NME8: variants seen among roughly 807,000 people sequenced by gnomAD.
NME8 encodes the protein NME/NM23 family member 8.
A neutral mutation model predicts 82.3 loss-of-function variants in NME8; 72 were observed. That is an observed-to-expected ratio of 0.87 (90% CI 0.72 to 1.06). NME8 has a LOEUF of 1.06. NME8 is among the 50% of genes least tolerant of loss of function. NME8 has a pLI of 0.00. For synonymous variants in NME8, 267 were observed against 228.5 expected (o/e 1.17, Z -1.52); for missense variants, 712 against 685.4 (o/e 1.04, Z -0.43).
chr7:37,897,945 T>C (rs1785255686), intron 17 of NME8, among the ~76,000 whole-genome samples: 1 of 152,140 alleles, frequency 6.6e-6, no homozygotes, highest in South Asian at 2.1e-4. Context: ...ATTGTAAATA[T>C]TGCTGCAATA....
intron 12 of NME8, among the ~76,000 whole-genome samples, chr7:37,878,500 G>A (rs1004965903): frequency 8.5e-5 from 13 of 152,114 alleles, no homozygotes; most frequent in African/African-American, 2.9e-4. Context: ...TTTTATGGAC[G>A]AGATAGTGTA....
intron 9 of NME8, 25 bp from the exon 10 acceptor site, chr7:37,865,500 A>G: frequency 2.0e-6 from 3 of 1,524,542 alleles, no homozygotes; most frequent in Non-Finnish European, 2.7e-6. Flanking sequence ...CGACACCTGG[A>G]TTTGACCTTA....
At position 37,857,138 on chromosome 7, in the gene NME8, C is replaced by T. The variant is rs1438250054; in HGVS notation, c.199-136C>T. On this transcript the variant is annotated intron_variant, in intron 5 of 17. Coordinates refer to ENST00000199447, the MANE Select transcript of NME8 (RefSeq NM_016616.5). ...ATCGCCAGTATGTGCAGTTTGATCCCTAAAACCACTAAGGCATACCGAATG... is the reference window on the plus strand; with the variant it reads ...ATCGCCAGTATGTGCAGTTTGATCCTTAAAACCACTAAGGCATACCGAATG... The T allele has an allele frequency of 1.2e-5, 8 of 687,752 alleles. No homozygotes were observed. The African/African-American group carries it at 1.4e-4, about 12-fold the overall frequency. The allele number at this position is 687,752 out of a possible 1,614,324, so 42.6% of individuals were successfully genotyped here. A position where few individuals can be genotyped will look rare whatever the true frequency, so the allele number is the denominator to read the frequency against.
Position 37,850,619 on chromosome 7 carries a change from C to T in NME8, c.92-10C>T. ...GACTTTGTTATTTCATAAATATCAT[C>T]ATCTTCTAGTGATTGATGTTTACCA... On this transcript the variant is annotated splice_polypyrimidine_tract_variant and intron_variant, in intron 4 of 17. Transcript: ENST00000199447. 1.3e-6 allele frequency: 2 copies of T among 1,580,658 alleles called. No individual in the cohort carries two copies. The highest frequency in any genetic ancestry group is 1.7e-6 in the Non-Finnish European group (2 of 1,149,530).
intron 6 of NME8, among the ~76,000 whole-genome samples, chr7:37,861,682 A>G (rs1171426317): frequency 6.6e-6 from 1 of 152,158 alleles, no homozygotes; most frequent in Non-Finnish European, 1.5e-5. Flanking sequence ...GTCAAAAATA[A>G]CTAGGGAGGA....
chr7:37,864,691 T>C (rs1050120612), intron 9 of NME8, among the ~76,000 whole-genome samples: 20 of 152,180 alleles, frequency 1.3e-4, no homozygotes, highest in Non-Finnish European at 2.5e-4. Flanking sequence ...TCTGTCTTCA[T>C]GCTGCTGATA....
chr7:37,868,897 T>G (rs1784729750), intron 11 of NME8, among the ~76,000 whole-genome samples: 1 of 152,224 alleles, frequency 6.6e-6, no homozygotes, highest in Non-Finnish European at 1.5e-5. Flanking sequence ...AATGTTGGTT[T>G]TATGCGCTGC....
chr7:37,871,317 G>C (rs1784764881), intron 11 of NME8, among the ~76,000 whole-genome samples: 1 of 152,140 alleles, frequency 6.6e-6, no homozygotes, highest in Admixed American at 6.5e-5. Context: ...AGGGAAACAG[G>C]GCAGAGGTAC....
intron 12 of NME8, 43 bp from the exon 13 acceptor site, chr7:37,884,260 A>T (rs1357238773): frequency 1.5e-6 from 2 of 1,296,442 alleles, no homozygotes. Context: ...CATAACCAGT[A>T]ATCTACCAGT....
At chr7:37,894,020 G>C (rs1221017462) in intron 15 of NME8, among the ~76,000 whole-genome samples, 1 of 152,138 alleles carries the variant, frequency 6.6e-6, no homozygotes. Flanking sequence ...TCAAAACTTA[G>C]GCTGTTGGTG....
chr7:37,888,319 G>A lies in NME8; in HGVS notation c.1290G>A (p.Gln430=), dbSNP rs753245188. The change falls in exon 15 of 18, where the codon CAG becomes CAA. Residue 430 remains glutamine (Q), a synonymous_variant. Transcript: ENST00000199447. ...CGATGGACAGTTTGCCGGTCAACCA[G>A]TTGTATGGCAGCGATTCATTAGAAA... is the stretch of plus-strand genomic sequence containing the variant. The part of the protein sequence containing the change: ...QFAMDSLPVN[Q]LYGSDSLETA... The A allele has an allele frequency of 8.7e-6, 14 of 1,613,620 alleles. No homozygotes were observed. In the South Asian group the frequency reaches 1.4e-4, roughly 16 times the overall value.
intron 6 of NME8, among the ~76,000 whole-genome samples, chr7:37,859,931 C>G (rs985959214): frequency 2.0e-5 from 3 of 152,214 alleles, no homozygotes; most frequent in Admixed American, 6.5e-5. Flanking sequence ...CACAAAAACA[C>G]CATCAAGTCC....
chr7:37,872,799 A>T (rs935699116), intron 11 of NME8, among the ~76,000 whole-genome samples: 1 of 152,040 alleles, frequency 6.6e-6, no homozygotes, highest in African/African-American at 2.4e-5. Context: ...TAATGGGGGA[A>T]TTTTTTTCCC....
chr7:37,860,107 A>G (rs1168279963), intron 6 of NME8, among the ~76,000 whole-genome samples: 1 of 152,244 alleles, frequency 6.6e-6, no homozygotes, highest in Non-Finnish European at 1.5e-5. Context: ...AATGGTAACT[A>G]GAGTTTCAGG....
At chr7:37,858,298 T>A (rs949433561) in intron 6 of NME8, among the ~76,000 whole-genome samples, 5 of 152,162 alleles carry the variant, frequency 3.3e-5, no homozygotes, top group African/African-American at 9.7e-5. Context: ...TGGATATAAC[T>A]TTTTTCTGCT....
intron 15 of NME8, among the ~76,000 whole-genome samples, chr7:37,893,396 CTTG>C (rs1357428579): frequency 2.6e-5 from 4 of 152,074 alleles, no homozygotes; most frequent in East Asian, 1.9e-4. Context: ...TTAAATGTTC[CTTG>C]TTGTTTTTAG....
rs1008162886 is a variant in NME8, at chr7:37,855,953, A to G, written c.199-1321A>G. Among the ~76,000 whole-genome samples the G allele has an allele frequency of 5.3e-4, 81 of 152,084 alleles. 1 individual carries two copies. Among genetic ancestry groups the G allele is most frequent in the African/African-American group, 1.6e-3 (65 of 41,404 alleles). ...AACTTCCTTTAAAAAAAAAAACCCA[A>G]TTACTCTTAGACTGGATTCTTTTAT... On this transcript the variant is annotated intron_variant, in intron 5 of 17. Transcript: ENST00000199447.
intron 6 of NME8, among the ~76,000 whole-genome samples, chr7:37,858,204 C>T (rs1362355686): frequency 6.6e-6 from 1 of 152,108 alleles, no homozygotes; most frequent in Admixed American, 6.6e-5. Context: ...AAAGCCTTCA[C>T]GGAGGAGATA....
In NME8 at chr7:37,870,391, C is replaced by A. The variant is rs547002873; in HGVS notation, c.818+2493C>A. 7.9e-5 allele frequency among the ~76,000 whole-genome samples: 12 copies of A among 152,004 alleles called. No individual in the cohort carries two copies. The East Asian group carries it at 1.4e-3, about 17-fold the overall frequency. ...AGATCATGAGGTCAGGAGATCGAGA[C>A]CAGCCTGATCAACATGGTGAAACCC... On this transcript the variant is annotated intron_variant, in intron 11 of 17. Coordinates refer to ENST00000199447, the MANE Select transcript of NME8 (RefSeq NM_016616.5).
Sources: allele counts gnomAD v4.1 joint callset (sites outside exome capture counted in the v4.1 genomes callset), GRCh38; gene constraint gnomAD v4.1.1; transcripts MANE v1.5; gene names NCBI Gene and HGNC (gene_info 2026-07-23, HGNC 2026-07-21).